The following LARP4B variants were observed in gnomAD, a reference collection of about 807,000 sequenced individuals.
LARP4B encodes la-related protein 4B.
LARP4B carries 12 observed loss-of-function variants against 89.8 expected under a neutral mutation model. The observed-to-expected ratio is 0.13, with a 90% CI of 0.09 to 0.22. The LOEUF (loss-of-function observed/expected upper bound fraction) is 0.22. Ranked by LOEUF, LARP4B falls within the 10% of genes least tolerant of loss-of-function variation. The probability of loss-of-function intolerance (pLI) is 1.00; values close to 1 mark genes in which losing one functional copy is unlikely to be tolerated. For missense variants in LARP4B, 757 were observed against 947.7 expected (o/e 0.80, Z 2.64); for synonymous variants, 367 against 363.3 (o/e 1.01, Z -0.12).
chr10:864,249 C>G lies in LARP4B; in HGVS notation c.163G>C (p.Glu55Gln), dbSNP rs759210640. 1 of 1,614,168 alleles carries G rather than the reference C, an allele frequency of 6.2e-7. No homozygotes were observed. The highest frequency in any genetic ancestry group is 8.5e-7 in the Non-Finnish European group (1 of 1,180,030). The part of the protein sequence containing the change: ...LSQVPATKVS[E>Q]LNPNAEVWGA... ...CACACTTCTGCATTAGGGTTCAGCT[C>G]TGAAACCTTAGTTGCTGGTACCTAG... The change falls in exon 4 of 18, where the codon GAG becomes CAG. Residue 55 changes from glutamate (E) to glutamine (Q), a missense_variant. Physicochemically the swap from Glu to Gln is conservative, Grantham distance 29. Coordinates refer to ENST00000316157, the MANE Select transcript of LARP4B (RefSeq NM_015155.3).
chr10:952,437 G>C, the LARP4B span, among the ~76,000 whole-genome samples: 66 of 124,234 alleles, frequency 5.3e-4, 1 homozygote, highest in Admixed American at 7.5e-4. Context: ...CACCAGCCCA[G>C]ACCCAACTGC....
At chr10:863,681 T>TA (rs1259251998) in intron 5 of LARP4B, 62 bp downstream of exon 5, 26 of 1,483,564 alleles carry the variant, frequency 1.8e-5, no homozygotes, top group East Asian at 2.3e-5. Context: ...ATACTCTAAA[T>TA]AAAAAAAATA....
chr10:852,875 C>CA, intron 5 of LARP4B, among the ~76,000 whole-genome samples: 1 of 152,004 alleles, frequency 6.6e-6, no homozygotes, highest in Non-Finnish European at 1.5e-5. Flanking sequence ...ACAATAGCAC[C>CA]AAAAAATATA....
chr10:827,985 G>C (rs1832716085), intron 11 of LARP4B, among the ~76,000 whole-genome samples: 1 of 152,120 alleles, frequency 6.6e-6, no homozygotes, highest in African/African-American at 2.4e-5. Flanking sequence ...CCAGACTCAG[G>C]GGGAATTGGG....
intron 5 of LARP4B, among the ~76,000 whole-genome samples, chr10:851,970 G>A (rs189666158): frequency 1.3e-5 from 2 of 152,290 alleles, no homozygotes; most frequent in East Asian, 3.9e-4. Context: ...GGAGGCTAAG[G>A]CGGGAGAATC....
rs1300529628 is a variant in LARP4B at position 931,131 on chromosome 10, G to A, written c.-40+297C>T. 2.3e-4 allele frequency among the ~76,000 whole-genome samples: 34 copies of A among 150,316 alleles called. 1 individual carries two copies. The highest frequency in any genetic ancestry group is 4.5e-5 in the Non-Finnish European group (3 of 67,342). ...CCGGCCCCGGCCTTCCCCTGCCCCG[G>A]CCTCGGCCATCCTCAGCCCCAGTTT... On this transcript the variant is annotated intron_variant, in intron 1 of 17. Coordinates refer to ENST00000316157, the MANE Select transcript of LARP4B (RefSeq NM_015155.3).
chr10:937,376 C>G, the LARP4B span, among the ~76,000 whole-genome samples: 2 of 152,052 alleles, frequency 1.3e-5, no homozygotes, highest in South Asian at 4.1e-4. Flanking sequence ...CTTGTAACCA[C>G]CAGAATTCTG....
intron 1 of LARP4B, among the ~76,000 whole-genome samples, chr10:910,470 AGAGGTCTCATGTGGTGTTTTGTGT>A (rs1335777275): frequency 5.6e-4 from 86 of 152,304 alleles, no homozygotes; most frequent in African/African-American, 2.0e-3. Flanking sequence ...CTCCATCTTC[AGAGGTCTCATGTGGTGTTTTGTGT>A]GAGGTCTCCT....
Position 816,690 on chromosome 10 carries a change from G to C in LARP4B, c.1695+1035C>G, listed in dbSNP as rs146473289. The stretch of plus-strand genomic sequence containing the variant: ...TTCTTCTCAAGGCACTAATACCTTA[G>C]AAATGACGGTGTGGAAATTTAAGGC... On this transcript the variant is annotated intron_variant, in intron 15 of 17. Transcript: ENST00000316157. 5.0e-3 allele frequency among the ~76,000 whole-genome samples: 760 copies of C among 152,312 alleles called. 4 individuals are homozygous for C. The highest frequency in any genetic ancestry group is 0.017 in the African/African-American group (695 of 41,566).
At chr10:888,115 T>C (rs915117142) in intron 1 of LARP4B, among the ~76,000 whole-genome samples, 1 of 151,092 alleles carries the variant, frequency 6.6e-6, no homozygotes, top group Admixed American at 6.6e-5. Context: ...AGGCCAGGAG[T>C]TCGAGACCAG....
chr10:909,062 A>G (rs1256264094), intron 1 of LARP4B, among the ~76,000 whole-genome samples: 3 of 152,150 alleles, frequency 2.0e-5, no homozygotes, highest in Non-Finnish European at 4.4e-5. Context: ...TGGGAGGCTG[A>G]GGCGGGCAGA....
chr10:937,962 A>G, the LARP4B span, among the ~76,000 whole-genome samples: 11 of 151,764 alleles, frequency 7.2e-5, no homozygotes, highest in East Asian at 1.2e-3. Flanking sequence ...TCGGCTCACT[A>G]CAACCTCCAC....
chr10:876,126 C>A (rs1835440745), intron 3 of LARP4B, among the ~76,000 whole-genome samples: 1 of 152,188 alleles, frequency 6.6e-6, no homozygotes, highest in South Asian at 2.1e-4. Flanking sequence ...TGGCTCACGC[C>A]TGTAATCCCA....
intron 3 of LARP4B, among the ~76,000 whole-genome samples, chr10:864,606 C>G (rs900393723): frequency 4.6e-5 from 7 of 152,234 alleles, no homozygotes; most frequent in Non-Finnish European, 8.8e-5. Context: ...AATCACAATT[C>G]AGGGTTTTAC....
At chr10:944,079 T>C in the LARP4B span, among the ~76,000 whole-genome samples, 6 of 152,186 alleles carry the variant, frequency 3.9e-5, no homozygotes, top group African/African-American at 1.2e-4. Context: ...AATTTTGAGG[T>C]CAGACTTGTC....
chr10:874,424 G>GA (rs1835374270), intron 3 of LARP4B, among the ~76,000 whole-genome samples: 4 of 152,192 alleles, frequency 2.6e-5, no homozygotes, highest in African/African-American at 9.6e-5. Flanking sequence ...ACCAGAACTA[G>GA]AAAGTCTCTT....
At chr10:875,943 T>C (rs1835434971) in intron 3 of LARP4B, among the ~76,000 whole-genome samples, 1 of 152,188 alleles carries the variant, frequency 6.6e-6, no homozygotes, top group Admixed American at 6.5e-5. Context: ...CATTTCAGCA[T>C]CAACTTAAAA....
At chr10:818,824 A>C (rs939036583) in intron 14 of LARP4B, 1 of 152,244 alleles carries the variant, frequency 6.6e-6, no homozygotes, top group African/African-American at 2.4e-5. Context: ...ACCTAACTGG[A>C]AAGTGCCAAT....
chr10:972,951 A>G, the LARP4B span: 2 of 447,762 alleles, frequency 4.5e-6, no homozygotes, highest in South Asian at 3.1e-5. Context: ...TACTGAAACC[A>G]TGCTCAGTTC....
Sources: gnomAD v4.1 joint callset for allele counts (sites outside exome capture counted in the v4.1 genomes callset) on GRCh38, gnomAD v4.1.1 for gene constraint, MANE v1.5 for transcripts, NCBI Gene and HGNC (gene_info 2026-07-23, HGNC 2026-07-21) for gene names.